The following SIN3A variants were observed in gnomAD, a reference collection of about 807,000 sequenced individuals.
SIN3A encodes paired amphipathic helix protein Sin3a.
SIN3A carries 14 observed loss-of-function variants against 146.1 expected under a neutral mutation model. The observed-to-expected ratio is 0.10, with a 90% CI of 0.06 to 0.15. The LOEUF is 0.15. SIN3A is among the 10% of genes least tolerant of loss of function. SIN3A has a pLI of 1.00. For missense variants in SIN3A, 1,028 were observed against 1,576.0 expected, an observed-to-expected ratio of 0.65 and a Z score of 5.89; for synonymous variants, 572 against 572.0, an observed-to-expected ratio of 1.00 and a Z score of 0.00.
chr15:75,407,481 T>C (rs527366394), intron 8 of SIN3A, among the ~76,000 whole-genome samples: 9 of 152,336 alleles, frequency 5.9e-5, no homozygotes, highest in Admixed American at 1.3e-4. Context: ...TAGAATCTAA[T>C]GCCACTGTTT....
intron 1 of SIN3A, among the ~76,000 whole-genome samples, chr15:75,433,457 T>C (rs186530082): frequency 8.5e-5 from 13 of 152,344 alleles, no homozygotes; most frequent in Admixed American, 7.8e-4. Flanking sequence ...TGGGATTTCA[T>C]ATGGTACTTA....
chr15:75,387,971 C>A (rs902061663), intron 16 of SIN3A, among the ~76,000 whole-genome samples: 1 of 152,166 alleles, frequency 6.6e-6, no homozygotes, highest in South Asian at 2.1e-4. Flanking sequence ...AACTTTCCCC[C>A]AGATGTTAAG....
At chr15:75,377,759 A>C (rs1034422555) in intron 19 of SIN3A, among the ~76,000 whole-genome samples, 1 of 152,254 alleles carries the variant, frequency 6.6e-6, no homozygotes, top group Admixed American at 6.5e-5. Flanking sequence ...TTTGTGTGCT[A>C]AAGTACAATG....
Position 75,441,688 on chromosome 15 carries a change from C to G in SIN3A, c.-34+9735G>C, listed in dbSNP as rs78879537. On this transcript the variant is annotated intron_variant, in intron 1 of 20. Coordinates refer to ENST00000394947, the MANE Select transcript of SIN3A (RefSeq NM_001145358.2). ...CTAGTAAGGTTCTAGCTTATCACCTCTGGGTCTTTTTTTCCCTTTCTGCCC... is the reference window on the plus strand; with the variant it reads ...CTAGTAAGGTTCTAGCTTATCACCTGTGGGTCTTTTTTTCCCTTTCTGCCC... 6.4e-3 allele frequency among the ~76,000 whole-genome samples: 977 copies of G among 152,288 alleles called. 14 individuals are homozygous for G. Among genetic ancestry groups the G allele is most frequent in the African/African-American group, 0.022 (916 of 41,554 alleles).
chr15:75,384,247 A>C lies in SIN3A; in HGVS notation c.3195+17T>G. On this transcript the variant is annotated intron_variant, in intron 17 of 20. Coordinates refer to ENST00000394947, the MANE Select transcript of SIN3A (RefSeq NM_001145358.2). ...ATTGTCACCAGCAAGGTCTTCGACT[A>C]CCTGACCAACTCTCACCTTAAAGCA... 2 of 1,587,836 alleles carry C rather than the reference A, an allele frequency of 1.3e-6. No individual in the cohort carries two copies. The highest frequency in any genetic ancestry group is 2.3e-5 in the East Asian group (1 of 43,970).
intron 10 of SIN3A, 27 bp from the exon 11 acceptor site, chr15:75,400,967 A>G: frequency 2.0e-6 from 3 of 1,530,524 alleles, no homozygotes; most frequent in Non-Finnish European, 2.7e-6. Context: ...AAAAGTGACA[A>G]GCAATTAGGG....
chr15:75,413,672 T>C (rs1041516400), intron 4 of SIN3A, among the ~76,000 whole-genome samples: 1 of 151,912 alleles, frequency 6.6e-6, no homozygotes, highest in Non-Finnish European at 1.5e-5. Context: ...GCCTCCCAAG[T>C]AGCTGGGATT....
At position 75,422,792 on chromosome 15, in the gene SIN3A, T is replaced by C; in HGVS notation, c.221A>G (p.His74Arg). 1 of 1,614,050 alleles carries C rather than the reference T, an allele frequency of 6.2e-7. No individual in the cohort carries two copies. Among genetic ancestry groups the C allele is most frequent in the Non-Finnish European group, 8.5e-7 (1 of 1,179,922 alleles). ...VSAMPQSSGS[H>R]GPAIAAVHSS... ...ATGAACTGCTGCTATAGCGGGCCCA[T>C]GACTGCCGGAGCTCTGTGGCATGGC... Residue 74 changes from histidine to arginine, a missense_variant, in exon 3 of 21, where the codon CAT becomes CGT. Transcript: ENST00000394947.
At chr15:75,383,441 T>G (rs1398583804) in intron 17 of SIN3A, among the ~76,000 whole-genome samples, 1 of 152,092 alleles carries the variant, frequency 6.6e-6, no homozygotes, top group Non-Finnish European at 1.5e-5. Flanking sequence ...TTCATTTTTT[T>G]GGGACAGAGT....
Position 75,407,156 on chromosome 15 carries a change from A to T in SIN3A, c.1318-12T>A. ...AGTTTGGGTTTCTTCTGCAAAAGAA[A>T]GATACAAACATGTGAGATTCAACGA... is the stretch of plus-strand genomic sequence containing the variant. On this transcript the variant is annotated splice_polypyrimidine_tract_variant and intron_variant, in intron 8 of 20. Coordinates refer to ENST00000394947, the MANE Select transcript of SIN3A (RefSeq NM_001145358.2). 2 of 1,565,806 alleles carry T rather than the reference A, an allele frequency of 1.3e-6. No individual in the cohort carries two copies. The highest frequency in any genetic ancestry group is 1.8e-6 in the Non-Finnish European group (2 of 1,138,782).
In SIN3A at chr15:75,383,485, G is replaced by A. The variant is rs567365792; in HGVS notation, c.3195+779C>T. The stretch of plus-strand genomic sequence containing the variant: ...GTCACCCAGGCTGGGGTGCAGTGAC[G>A]CGATCAGGCCTCACTGCAGCCTCGA... On this transcript the variant is annotated intron_variant, in intron 17 of 20. Transcript: ENST00000394947. Among the ~76,000 whole-genome samples, 10 of 151,216 alleles carry A rather than the reference G, an allele frequency of 6.6e-5. No homozygotes were observed. In the South Asian group the frequency reaches 1.0e-3, roughly 16 times the overall value.
At chr15:75,420,025 A>G (rs2073813597) in intron 3 of SIN3A, 1 of 152,144 alleles carries the variant, frequency 6.6e-6, no homozygotes. Flanking sequence ...TTAAAAAAAA[A>G]ACTTGGATGT....
At chr15:75,404,513 C>T (rs1009276815) in intron 9 of SIN3A, among the ~76,000 whole-genome samples, 1 of 152,190 alleles carries the variant, frequency 6.6e-6, no homozygotes, top group Non-Finnish European at 1.5e-5. Context: ...GTAATCCCAA[C>T]ACTTTGGGAG....
chr15:75,372,361 A>G (rs2072768534), intron 20 of SIN3A, 152 bp from the exon 21 acceptor site: 1 of 521,458 alleles, frequency 1.9e-6, no homozygotes, highest in African/African-American at 2.0e-5. Context: ...GAAAAAAAAA[A>G]GGATTCTCTG....
chr15:75,455,177 C>T (rs1458944431), upstream of SIN3A, among the ~76,000 whole-genome samples: 1 of 152,058 alleles, frequency 6.6e-6, no homozygotes, highest in Non-Finnish European at 1.5e-5. Flanking sequence ...AAACAAAACC[C>T]TCGGGGCGGC....
In SIN3A at chr15:75,405,995, C is replaced by T. The variant is rs189235555; in HGVS notation, c.1407+1060G>A. Among the ~76,000 whole-genome samples, 334 of 152,252 alleles carry T rather than the reference C, an allele frequency of 2.2e-3. 1 individual carries two copies. Among genetic ancestry groups the T allele is most frequent in the African/African-American group, 7.2e-3 (300 of 41,550 alleles). On this transcript the variant is annotated intron_variant, in intron 9 of 20. Coordinates refer to ENST00000394947, the MANE Select transcript of SIN3A (RefSeq NM_001145358.2). ...GACTCAACACTCTTGCAGGACTCTC[C>T]TGCAAAAAGCTCACATAGGCACAGC...
intron 8 of SIN3A, 102 bp from the exon 9 acceptor site, chr15:75,407,246 T>C: frequency 2.9e-6 from 2 of 695,064 alleles, no homozygotes; most frequent in East Asian, 5.6e-5. Context: ...CCACTGCTGA[T>C]TAATAATTTG....
intron 3 of SIN3A, among the ~76,000 whole-genome samples, chr15:75,416,195 G>A (rs1423874890): frequency 2.6e-5 from 4 of 152,192 alleles, no homozygotes; most frequent in Admixed American, 6.5e-5. Context: ...ACACTTCATT[G>A]TTGTTTTGGT....
chr15:75,406,660 C>G (rs2073522064), intron 9 of SIN3A, among the ~76,000 whole-genome samples: 1 of 152,118 alleles, frequency 6.6e-6, no homozygotes, highest in Non-Finnish European at 1.5e-5. Context: ...TGCACTCCAG[C>G]CTGGGCGACA....
Sources: gnomAD v4.1 joint callset for allele counts (sites outside exome capture counted in the v4.1 genomes callset) on GRCh38, gnomAD v4.1.1 for gene constraint, MANE v1.5 for transcripts, NCBI Gene and HGNC (gene_info 2026-07-23, HGNC 2026-07-21) for gene names.